SAMD3: variants seen among roughly 807,000 people sequenced by gnomAD.
The protein encoded by SAMD3 is sterile alpha motif domain-containing protein 3.
A neutral mutation model predicts 58.5 loss-of-function variants in SAMD3; 63 were observed. That is an observed-to-expected ratio of 1.08 (90% CI 0.88 to 1.33). The LOEUF is 1.33. Among genes scored for constraint, SAMD3 ranks in the 40% most tolerant of loss-of-function variants. The pLI is 0.00. For synonymous variants in SAMD3, 220 were observed against 210.3 expected (o/e 1.05, Z -0.40); for missense variants, 604 against 608.4 (o/e 0.99, Z 0.08).
rs189823779 is a variant in SAMD3 at position 130,261,508 on chromosome 6, T to C, written c.-187-38695A>G. 2.0e-3 allele frequency among the ~76,000 whole-genome samples: 298 copies of C among 152,344 alleles called. 1 individual carries two copies. The highest frequency in any genetic ancestry group is 7.0e-3 in the African/African-American group (290 of 41,582). ...CTTTGGTTTTGATTTCTGGATACTC[T>C]GATTTTGGTTTTGATTTTGATTTGG... On this transcript the variant is annotated intron_variant, in intron 2 of 13. Coordinates refer to the SAMD3 transcript ENST00000368134.
chr6:130,324,672 T>A (rs1218843721), intron 1 of SAMD3, among the ~76,000 whole-genome samples: 1 of 152,162 alleles, frequency 6.6e-6, no homozygotes, highest in Non-Finnish European at 1.5e-5. Context: ...AGCCGAAAGA[T>A]CTGTTAAATA....
chr6:130,311,414 A>C (rs1983720), intron 2 of SAMD3, among the ~76,000 whole-genome samples: 22,695 of 152,116 alleles, frequency 0.15, 2,047 homozygotes, highest in East Asian at 0.36. Flanking sequence ...GCTGTTGCAG[A>C]CACTCTCATG....
At chr6:130,337,345 C>T (rs1022505719) in intron 1 of SAMD3, among the ~76,000 whole-genome samples, 6 of 152,168 alleles carry the variant, frequency 3.9e-5, no homozygotes, top group African/African-American at 1.4e-4. Flanking sequence ...TTTCCTGAGG[C>T]CTCCTCAGCC....
intron 2 of SAMD3, among the ~76,000 whole-genome samples, chr6:130,272,110 C>T (rs1328323573): frequency 3.9e-5 from 6 of 152,086 alleles, no homozygotes; most frequent in African/African-American, 1.4e-4. Context: ...ATAAATAATA[C>T]TCTTATATTG....
At chr6:130,163,926 A>C (rs149960840) in intron 8 of SAMD3, among the ~76,000 whole-genome samples, 116 of 152,316 alleles carry the variant, frequency 7.6e-4, no homozygotes, top group African/African-American at 2.8e-3. Context: ...TATGTACCCA[A>C]TAAGTAGGAA....
At chr6:130,172,495 G>A (rs766320640) in intron 8 of SAMD3, among the ~76,000 whole-genome samples, 25 of 152,118 alleles carry the variant, frequency 1.6e-4, no homozygotes, top group Non-Finnish European at 3.1e-4. Flanking sequence ...GAAATTTTGG[G>A]TTGAAAATTC....
At chr6:130,258,792 G>T (rs374679855) in intron 2 of SAMD3, among the ~76,000 whole-genome samples, 18 of 152,168 alleles carry the variant, frequency 1.2e-4, no homozygotes, top group African/African-American at 3.6e-4. Context: ...ATTAGGGATT[G>T]TTGTGGTTAT....
At chr6:130,155,109 C>A in intron 8 of SAMD3, 84 bp from the exon 9 acceptor site, 1 of 1,030,696 alleles carries the variant, frequency 9.7e-7, no homozygotes, top group Non-Finnish European at 1.5e-6. Context: ...ACTCTTAACT[C>A]ATTCCTAAGG....
rs78728581 is a variant in SAMD3, at chr6:130,247,845, T to G, written c.-187-25032A>C. Among the ~76,000 whole-genome samples, 220 of 152,358 alleles carry G rather than the reference T, an allele frequency of 1.4e-3. 1 individual carries two copies. The highest frequency in any genetic ancestry group is 5.0e-3 in the African/African-American group (208 of 41,592). On this transcript the variant is annotated intron_variant, in intron 2 of 13. Coordinates refer to the SAMD3 transcript ENST00000368134. ...TTATTTAACATTTCTGTGTCTTTAC[T>G]TAAGTTTTAACTGTTGCATCCATCA...
At chr6:130,289,874 T>C (rs12215158) in intron 2 of SAMD3, among the ~76,000 whole-genome samples, 42,334 of 152,096 alleles carry the variant, frequency 0.28, 6,347 homozygotes, top group East Asian at 0.45. Context: ...TCCAGAAATA[T>C]ATAACATATT....
intron 9 of SAMD3, among the ~76,000 whole-genome samples, chr6:130,147,312 C>A (rs2114547215): frequency 6.6e-6 from 1 of 152,288 alleles, no homozygotes; most frequent in South Asian, 2.1e-4. Context: ...GTTAAGTTGT[C>A]AGAAAGCTGG....
chr6:130,213,576 C>G (rs1478040714), intron 4 of SAMD3, among the ~76,000 whole-genome samples: 1 of 151,936 alleles, frequency 6.6e-6, no homozygotes, highest in African/African-American at 2.4e-5. Context: ...ATCTTAGAAA[C>G]CCTTCAAAAA....
intron 4 of SAMD3, 103 bp from the exon 5 acceptor site, chr6:130,209,711 C>T: frequency 3.0e-6 from 2 of 658,742 alleles, no homozygotes; most frequent in Admixed American, 2.8e-5. Context: ...ACATCATGGT[C>T]TGTGTCCACT....
At chr6:130,272,974 G>C (rs2114938771) in intron 2 of SAMD3, among the ~76,000 whole-genome samples, 1 of 152,258 alleles carries the variant, frequency 6.6e-6, no homozygotes, top group Non-Finnish European at 1.5e-5. Context: ...AGATATCATA[G>C]ACACTTGGAG....
intron 2 of SAMD3, among the ~76,000 whole-genome samples, chr6:130,266,764 C>T (rs760535548): frequency 9.9e-5 from 15 of 152,216 alleles, no homozygotes; most frequent in Admixed American, 2.0e-4. Flanking sequence ...TCCTACTGCC[C>T]GTAAAAACAG....
At chr6:130,164,478 C>G (rs559272490) in intron 8 of SAMD3, among the ~76,000 whole-genome samples, 1 of 152,110 alleles carries the variant, frequency 6.6e-6, no homozygotes, top group Non-Finnish European at 1.5e-5. Flanking sequence ...CTAGCCTGAT[C>G]CTCAAAAAAT....
intron 2 of SAMD3, among the ~76,000 whole-genome samples, chr6:130,296,367 A>T (rs141753803): frequency 6.6e-6 from 1 of 152,180 alleles, no homozygotes; most frequent in African/African-American, 2.4e-5. Context: ...CTCAGAGTCC[A>T]TGGAAAGGGT....
At chr6:130,170,629 T>A (rs1226214409) in intron 8 of SAMD3, among the ~76,000 whole-genome samples, 1 of 152,206 alleles carries the variant, frequency 6.6e-6, no homozygotes, top group African/African-American at 2.4e-5. Flanking sequence ...TCTTGAGCAG[T>A]GGTTTGTAGT....
intron 1 of SAMD3, among the ~76,000 whole-genome samples, chr6:130,355,105 C>G (rs1399329257): frequency 6.6e-6 from 1 of 152,138 alleles, no homozygotes; most frequent in African/African-American, 2.4e-5. Flanking sequence ...TGTAGCAGCA[C>G]CTGTAGGGTA....
Sources: gnomAD v4.1 joint callset for allele counts (sites outside exome capture counted in the v4.1 genomes callset) on GRCh38, gnomAD v4.1.1 for gene constraint, MANE v1.5 for transcripts, NCBI Gene and HGNC (gene_info 2026-07-23, HGNC 2026-07-21) for gene names.